The following EPHB2 variants were observed in gnomAD, a reference collection of about 807,000 sequenced individuals.
The protein encoded by EPHB2 is ephrin type-B receptor 2.
Under a neutral mutation model 96.4 loss-of-function variants are expected in EPHB2, and 18 were observed. That is an observed-to-expected ratio of 0.19 (90% CI 0.13 to 0.28). The LOEUF (loss-of-function observed/expected upper bound fraction) is 0.28, where lower values mean the gene tolerates loss of function less well. EPHB2 is among the 10% of genes least tolerant of loss of function. The pLI is 1.00. For synonymous variants in EPHB2, 506 were observed against 534.1 expected (o/e 0.95, Z 0.72); for missense variants, 989 against 1,355.4 (o/e 0.73, Z 4.25).
At chr1:22,893,111 A>T in intron 7 of EPHB2, 65 bp downstream of exon 7, 6 of 1,612,036 alleles carry the variant, frequency 3.7e-6, no homozygotes, top group Non-Finnish European at 5.1e-6. Context: ...CTCAAGGGTC[A>T]CCATTCTCAT....
Position 22,908,076 on chromosome 1 carries a change from G to C in EPHB2, c.2260G>C (p.Val754Leu). The change falls in exon 12 of 16, where the codon GTC (valine) becomes CTC (leucine). Residue 754 changes from valine (V) to leucine (L), a missense_variant. Physicochemically the swap from Val to Leu is conservative, Grantham distance 32. Transcript: ENST00000374630. Reference protein sequence around the residue: ...HRDLAARNILVNSNLVCKVSD... With the variant: ...HRDLAARNILLNSNLVCKVSD... ...TGACCTGGCTGCCCGCAACATCCTCGTCAACAGCAACCTGGTCTGCAAGGT... is the reference window on the plus strand; with the variant it reads ...TGACCTGGCTGCCCGCAACATCCTCCTCAACAGCAACCTGGTCTGCAAGGT... 6.2e-7 allele frequency: 1 copy of C among 1,614,214 alleles called. No homozygotes were observed. The highest frequency in any genetic ancestry group is 8.5e-7 in the Non-Finnish European group (1 of 1,180,030).
At chr1:22,819,116 C>T (rs769082884) in intron 3 of EPHB2, among the ~76,000 whole-genome samples, 9 of 151,778 alleles carry the variant, frequency 5.9e-5, no homozygotes, top group South Asian at 2.1e-4. Flanking sequence ...CCTTTGCTGC[C>T]GAGGAGCTAT....
chr1:22,876,915 G>C (rs538965591), intron 5 of EPHB2, among the ~76,000 whole-genome samples: 122 of 152,328 alleles, frequency 8.0e-4, no homozygotes, highest in African/African-American at 2.8e-3. Context: ...CAGGTTAGCT[G>C]CCTGTAACCC....
intron 3 of EPHB2, among the ~76,000 whole-genome samples, chr1:22,836,417 C>A (rs1031382193): frequency 6.6e-6 from 1 of 152,220 alleles, no homozygotes; most frequent in Non-Finnish European, 1.5e-5. Context: ...GTTTTGTGAG[C>A]AGTTGCTTCA....
At chr1:22,745,238 G>T (rs1033228599) in intron 1 of EPHB2, among the ~76,000 whole-genome samples, 4 of 152,202 alleles carry the variant, frequency 2.6e-5, no homozygotes, top group African/African-American at 4.8e-5. Flanking sequence ...TCATTCATAC[G>T]ATGGAATATG....
At chr1:22,818,978 A>G (rs1388435410) in intron 3 of EPHB2, among the ~76,000 whole-genome samples, 3 of 144,308 alleles carry the variant, frequency 2.1e-5, no homozygotes, top group Non-Finnish European at 4.6e-5. Context: ...CCCAACCCCA[A>G]CCTAGGCTCC....
chr1:22,809,467 GA>G (rs1275743125), intron 3 of EPHB2, among the ~76,000 whole-genome samples: 2 of 152,146 alleles, frequency 1.3e-5, no homozygotes, highest in Non-Finnish European at 2.9e-5. Context: ...ATTAGTATCT[GA>G]TATATTAATA....
chr1:22,757,877 A>C (rs1157877644), intron 1 of EPHB2, among the ~76,000 whole-genome samples: 3 of 140,338 alleles, frequency 2.1e-5, no homozygotes, highest in African/African-American at 7.9e-5. Context: ...GCAAAAAAAA[A>C]TCAGACCATG....
At position 22,893,669 on chromosome 1, in the gene EPHB2, A is replaced by G. The variant is rs563281710; in HGVS notation, c.1591+623A>G. On this transcript the variant is annotated intron_variant, in intron 7 of 15. Transcript: ENST00000374630. ...CCATTTCTGATTTAGCCCTAACTGT[A>G]TGTGCCTGAACAAGTCACCTTACCT... Among the ~76,000 whole-genome samples, 5 of 152,326 alleles carry G rather than the reference A, an allele frequency of 3.3e-5. No homozygotes were observed. The East Asian group carries it at 9.6e-4, about 29-fold the overall frequency.
chr1:22,909,235 G>C (rs1354215487), intron 13 of EPHB2, 64 bp downstream of exon 13: 2 of 1,612,080 alleles, frequency 1.2e-6, no homozygotes, highest in Non-Finnish European at 1.7e-6. Context: ...GAAGATCGGG[G>C]CTCCTGGCCT....
At chr1:22,789,201 AG>A (rs1213459490) in intron 3 of EPHB2, among the ~76,000 whole-genome samples, 1 of 152,256 alleles carries the variant, frequency 6.6e-6, no homozygotes, top group Non-Finnish European at 1.5e-5. Context: ...ACACCACCCC[AG>A]GGATTGTCCT....
At chr1:22,783,539 G>C (rs1170583004) in intron 2 of EPHB2, among the ~76,000 whole-genome samples, 1 of 152,194 alleles carries the variant, frequency 6.6e-6, no homozygotes, top group Admixed American at 6.5e-5. Flanking sequence ...CAGGCAGCCA[G>C]AGAGCCTGCT....
chr1:22,909,025 G>A lies in EPHB2; in HGVS notation c.2356G>A (p.Gly786Arg), dbSNP rs138551214. The A allele has an allele frequency of 1.6e-5, 26 of 1,614,074 alleles. No individual in the cohort carries two copies. The highest frequency in any genetic ancestry group is 2.2e-5 in the East Asian group (1 of 44,878). Residue 786 changes from glycine to arginine, a missense_variant, in exon 13 of 16, where the codon GGA (glycine) becomes AGA (arginine). Coordinates refer to ENST00000374630, the MANE Select transcript of EPHB2 (RefSeq NM_017449.5). ...SDPTYTSALG[G>R]KIPIRWTAPE... Reference sequence around the variant, plus strand: ...CCCTCCTCTTTCTGTCTCCCAGGGCGGAAAGATCCCCATCCGCTGGACAGC... The same window carrying A: ...CCCTCCTCTTTCTGTCTCCCAGGGCAGAAAGATCCCCATCCGCTGGACAGC...
At chr1:22,841,473 C>G (rs1411153254) in intron 3 of EPHB2, among the ~76,000 whole-genome samples, 1 of 152,200 alleles carries the variant, frequency 6.6e-6, no homozygotes, top group African/African-American at 2.4e-5. Flanking sequence ...TGGCCCACTT[C>G]TGCCACCAAC....
At chr1:22,893,232 T>G (rs1639450205) in intron 7 of EPHB2, among the ~76,000 whole-genome samples, 186 bp downstream of exon 7, 1 of 152,208 alleles carries the variant, frequency 6.6e-6, no homozygotes, top group Non-Finnish European at 1.5e-5. Flanking sequence ...CTGTTTCTGT[T>G]CCCGTTGTGT....
chr1:22,721,491 T>C (rs1344611392), intron 1 of EPHB2, among the ~76,000 whole-genome samples: 1 of 152,148 alleles, frequency 6.6e-6, no homozygotes, highest in Non-Finnish European at 1.5e-5. Context: ...GGAAGTATAA[T>C]AGTGCCCCCA....
At chr1:22,842,782 A>T (rs1645488614) in intron 3 of EPHB2, among the ~76,000 whole-genome samples, 1 of 152,002 alleles carries the variant, frequency 6.6e-6, no homozygotes, top group Non-Finnish European at 1.5e-5. Context: ...TCTGAGGAAG[A>T]GCCTTTGTAC....
At chr1:22,809,800 G>C (rs1644978426) in intron 3 of EPHB2, among the ~76,000 whole-genome samples, 1 of 152,226 alleles carries the variant, frequency 6.6e-6, no homozygotes, top group Admixed American at 6.5e-5. Context: ...CCCAGTGTGT[G>C]CTGTGGACTT....
chr1:22,891,665 G>A (rs1202564029), intron 6 of EPHB2, among the ~76,000 whole-genome samples: 3 of 152,166 alleles, frequency 2.0e-5, no homozygotes, highest in Non-Finnish European at 4.4e-5. Flanking sequence ...GATCGCCCTG[G>A]GTAACATTCA....
Sources: gnomAD v4.1 joint callset for allele counts (sites outside exome capture counted in the v4.1 genomes callset) on GRCh38, gnomAD v4.1.1 for gene constraint, MANE v1.5 for transcripts, NCBI Gene and HGNC (gene_info 2026-07-23, HGNC 2026-07-21) for gene names.